Variants in KDM4C observed in about 807,000 individuals in gnomAD.
KDM4C encodes lysine-specific demethylase 4C.
A neutral mutation model predicts 129.3 loss-of-function variants in KDM4C; 81 were observed. That is an observed-to-expected ratio of 0.63 (90% confidence interval 0.52 to 0.75). KDM4C has a LOEUF of 0.75. KDM4C is among the 30% of genes least tolerant of loss of function. The pLI, the probability that KDM4C is intolerant of heterozygous loss-of-function variation, is 0.00. For missense variants in KDM4C, 1,457 were observed against 1,304.0 expected, an observed-to-expected ratio of 1.12 and a Z score of -1.81; for synonymous variants, 573 against 456.1, an observed-to-expected ratio of 1.26 and a Z score of -3.26.
At chr9:6,957,826 C>G (rs927514632) in intron 8 of KDM4C, among the ~76,000 whole-genome samples, 1 of 152,178 alleles carries the variant, frequency 6.6e-6, no homozygotes, top group Admixed American at 6.5e-5. Context: ...GCTAGAAACC[C>G]TTGTGCAAAC....
In KDM4C at chr9:7,128,153, A is replaced by G. The variant is rs947808612; in HGVS notation, c.2698A>G (p.Met900Val). The G allele has an allele frequency of 8.7e-6, 14 of 1,613,130 alleles. No homozygotes were observed. Among genetic ancestry groups the G allele is most frequent in the Admixed American group, 5.0e-5 (3 of 59,818 alleles). ...RNTRYYSCRV[M>V]AVTSQTFYEV... ...CACCCGGTATTACAGTTGCAGAGTGATGGCTGTGACATCGCAGACCTTCTA... is the reference window on the plus strand; with the variant it reads ...CACCCGGTATTACAGTTGCAGAGTGGTGGCTGTGACATCGCAGACCTTCTA... Residue 900 changes from methionine to valine, a missense_variant, in exon 19 of 22, where the codon ATG becomes GTG. Physicochemically the swap from Met to Val is conservative, Grantham distance 21. Coordinates refer to ENST00000381309, the MANE Select transcript of KDM4C (RefSeq NM_015061.6).
At chr9:6,739,762 C>G (rs973541191) in intron 1 of KDM4C, among the ~76,000 whole-genome samples, 59 of 151,406 alleles carry the variant, frequency 3.9e-4, no homozygotes, top group African/African-American at 1.2e-3. Flanking sequence ...TTTGGGAGAC[C>G]AAGGAGGAAG....
At chr9:6,774,762 T>C (rs1822647491) in intron 1 of KDM4C, among the ~76,000 whole-genome samples, 1 of 152,240 alleles carries the variant, frequency 6.6e-6, no homozygotes, top group Non-Finnish European at 1.5e-5. Flanking sequence ...ATATGATACT[T>C]GGGGCATGCA....
At chr9:6,757,581 C>G (rs576055616), upstream of KDM4C, 1 of 964,928 alleles carries the variant, frequency 1.0e-6, no homozygotes, top group African/African-American at 1.8e-5. Flanking sequence ...GCCAGGCTCT[C>G]CAGTACATTC....
rs796658600 is a variant in KDM4C, at chr9:6,919,557, A to G, written c.921+26325A>G. Among the ~76,000 whole-genome samples the G allele has an allele frequency of 4.6e-3, 678 of 147,248 alleles. 10 individuals are homozygous for G. Among genetic ancestry groups the G allele is most frequent in the African/African-American group, 0.015 (580 of 38,264 alleles). On this transcript the variant is annotated intron_variant, in intron 8 of 21. Transcript: ENST00000381309. ...TGTCTGTCTGTCTGTCTATCTATCT[A>G]TCTATCTATCTATCTATCTATCTAT...
intron 17 of KDM4C, among the ~76,000 whole-genome samples, chr9:7,061,640 G>A (rs1244172718): frequency 2.0e-5 from 3 of 152,234 alleles, no homozygotes; most frequent in Non-Finnish European, 4.4e-5. Context: ...AGAGCCCAAT[G>A]AGGCAGGAGG....
rs554435082 is a variant in KDM4C at position 6,920,843 on chromosome 9, G to A, written c.921+27611G>A. 2.4e-3 allele frequency among the ~76,000 whole-genome samples: 371 copies of A among 152,170 alleles called. 5 individuals are homozygous for A. Among genetic ancestry groups the A allele is most frequent in the African/African-American group, 8.7e-3 (363 of 41,512 alleles). On this transcript the variant is annotated intron_variant, in intron 8 of 21. Transcript: ENST00000381309. ...CTTCACCTTCTTTGAAAGGGACTGGGGCCAGGAGGAAGTCAGAGAGGCCTT... is the reference window on the plus strand; with the variant it reads ...CTTCACCTTCTTTGAAAGGGACTGGAGCCAGGAGGAAGTCAGAGAGGCCTT...
At chr9:7,077,953 C>A (rs1309702679) in intron 17 of KDM4C, among the ~76,000 whole-genome samples, 1 of 152,146 alleles carries the variant, frequency 6.6e-6, no homozygotes, top group Non-Finnish European at 1.5e-5. Context: ...CCTCCAGGTT[C>A]CACATGTGAG....
At chr9:6,902,113 C>T (rs901995233) in intron 8 of KDM4C, among the ~76,000 whole-genome samples, 4 of 152,070 alleles carry the variant, frequency 2.6e-5, no homozygotes, top group African/African-American at 7.2e-5. Context: ...TTTTTTTCCA[C>T]CAGTATGAAT....
At chr9:6,879,560 T>C (rs151076759) in intron 5 of KDM4C, among the ~76,000 whole-genome samples, 31 of 152,280 alleles carry the variant, frequency 2.0e-4, no homozygotes, top group African/African-American at 7.0e-4. Flanking sequence ...TGCTTGTCAA[T>C]AAAAATATTT....
chr9:6,729,243 T>C (rs68120465), intron 1 of KDM4C, among the ~76,000 whole-genome samples: 12,794 of 84,460 alleles, frequency 0.15, 2,161 homozygotes, highest in Middle Eastern at 0.22. Context: ...AGAAAAGAAA[T>C]AAATGGAAGA....
Position 6,793,101 on chromosome 9 carries a change from C to G in KDM4C, c.113C>G (p.Ser38Cys). 6.2e-7 allele frequency: 1 copy of G among 1,614,066 alleles called. No homozygotes were observed. The highest frequency in any genetic ancestry group is 1.7e-5 in the Admixed American group (1 of 60,010). ...EFNKYLAYMESKGAHRAGLAK... is the reference protein window; with the variant it reads ...EFNKYLAYMECKGAHRAGLAK... ...AACAAATACCTTGCATACATGGAGT[C>G]TAAAGGAGCCCATCGTGCGGGTCTT... Residue 38 changes from serine to cysteine, a missense_variant, in exon 2 of 22, where the codon TCT (serine) becomes TGT (cysteine). Coordinates refer to ENST00000381309, the MANE Select transcript of KDM4C (RefSeq NM_015061.6).
At chr9:7,010,949 C>T (rs547342525) in intron 12 of KDM4C, among the ~76,000 whole-genome samples, 2 of 152,150 alleles carry the variant, frequency 1.3e-5, no homozygotes, top group East Asian at 1.9e-4. Context: ...AAGGCTGAGG[C>T]GGTACAATGG....
intron 5 of KDM4C, among the ~76,000 whole-genome samples, chr9:6,850,373 G>C (rs1314580706): frequency 6.6e-6 from 1 of 152,204 alleles, no homozygotes; most frequent in Non-Finnish European, 1.5e-5. Flanking sequence ...TAGGAGTGAA[G>C]AGCTGACTTC....
intron 4 of KDM4C, among the ~76,000 whole-genome samples, chr9:6,822,087 C>T (rs1260790274): frequency 6.6e-6 from 1 of 152,182 alleles, no homozygotes; most frequent in East Asian, 1.9e-4. Flanking sequence ...CTCTCAAAGG[C>T]ATGGGGCGAA....
intron 8 of KDM4C, among the ~76,000 whole-genome samples, chr9:6,895,369 G>A (rs1189491841): frequency 1.3e-5 from 2 of 152,164 alleles, no homozygotes; most frequent in Non-Finnish European, 2.9e-5. Context: ...AAGACTAAAC[G>A]TTCATATTTG....
intron 8 of KDM4C, among the ~76,000 whole-genome samples, chr9:6,930,927 T>C (rs1823608706): frequency 6.6e-6 from 1 of 152,192 alleles, no homozygotes; most frequent in African/African-American, 2.4e-5. Flanking sequence ...CATCTGCAGT[T>C]TGCAGTAAGC....
At chr9:6,728,681 C>G (rs1313298492) in intron 1 of KDM4C, among the ~76,000 whole-genome samples, 2 of 150,892 alleles carry the variant, frequency 1.3e-5, no homozygotes, top group African/African-American at 4.9e-5. Flanking sequence ...CCCATCTCTA[C>G]TAAAAATTAC....
intron 8 of KDM4C, among the ~76,000 whole-genome samples, chr9:6,919,255 C>CTTTCTTTCT (rs1554643788): frequency 0.098 from 11,939 of 121,276 alleles, 704 homozygotes; most frequent in South Asian, 0.16. Flanking sequence ...TCTTTTCTTT[C>CTTTCTTTCT]TTTCTTTCTT....
Sources: gnomAD v4.1 joint callset for allele counts (sites outside exome capture counted in the v4.1 genomes callset) on GRCh38, gnomAD v4.1.1 for gene constraint, MANE v1.5 for transcripts, NCBI Gene and HGNC (gene_info 2026-07-23, HGNC 2026-07-21) for gene names.